KCNB2: variants seen among roughly 807,000 people sequenced by gnomAD.
The protein encoded by KCNB2 is potassium voltage-gated channel subfamily B member 2.
A neutral mutation model predicts 61.5 loss-of-function variants in KCNB2; 15 were observed. That is an observed-to-expected ratio of 0.24 (90% CI 0.16 to 0.38). The LOEUF (loss-of-function observed/expected upper bound fraction) is 0.38. Among genes scored for constraint, KCNB2 ranks in the 10% least tolerant of loss-of-function variants. The pLI is 1.00. For missense variants in KCNB2, 828 were observed against 1,125.2 expected (o/e 0.74, Z 3.78); for synonymous variants, 457 against 446.0 (o/e 1.02, Z -0.31).
intron 2 of KCNB2, among the ~76,000 whole-genome samples, chr8:72,714,767 AC>A (rs1446179686): frequency 4.6e-5 from 7 of 152,170 alleles, no homozygotes; most frequent in Non-Finnish European, 1.0e-4. Context: ...AAGCAAAATA[AC>A]CAGCTAACAT....
chr8:72,637,481 A>G (rs1304238131), intron 2 of KCNB2, among the ~76,000 whole-genome samples: 1 of 152,102 alleles, frequency 6.6e-6, no homozygotes, highest in African/African-American at 2.4e-5. Context: ...GATGATCTCT[A>G]CTAATGAATC....
intron 2 of KCNB2, among the ~76,000 whole-genome samples, chr8:72,725,603 A>G (rs866913678): frequency 0.095 from 10,426 of 109,290 alleles, 956 homozygotes; most frequent in African/African-American, 0.26. Flanking sequence ...ATATATATAT[A>G]TATATATATA....
intron 2 of KCNB2, among the ~76,000 whole-genome samples, chr8:72,609,396 C>CT (rs1805502758): frequency 6.6e-6 from 1 of 152,168 alleles, no homozygotes. Context: ...GTCAACACTT[C>CT]TTTTTCAAGA....
intron 2 of KCNB2, among the ~76,000 whole-genome samples, chr8:72,904,472 C>T (rs1398399100): frequency 3.9e-5 from 6 of 152,048 alleles, no homozygotes; most frequent in Non-Finnish European, 7.4e-5. Context: ...CACATGTTTA[C>T]CTATGTGACA....
intron 2 of KCNB2, among the ~76,000 whole-genome samples, chr8:72,609,892 A>C (rs2128983232): frequency 6.6e-6 from 1 of 152,334 alleles, no homozygotes; most frequent in South Asian, 2.1e-4. Context: ...GTTACGTTGA[A>C]GTCCAGCATT....
intron 2 of KCNB2, among the ~76,000 whole-genome samples, chr8:72,713,395 C>T (rs566480723): frequency 1.3e-5 from 2 of 152,338 alleles, no homozygotes; most frequent in African/African-American, 4.8e-5. Flanking sequence ...AGTACCCTAA[C>T]TGGGAGGCAC....
intron 2 of KCNB2, among the ~76,000 whole-genome samples, chr8:72,769,183 G>A (rs915138574): frequency 1.3e-5 from 2 of 150,958 alleles, no homozygotes; most frequent in Non-Finnish European, 3.0e-5. Context: ...AGAAAAAAAA[G>A]AAAATTAAGT....
chr8:72,602,967 G>T (rs1003966629), intron 2 of KCNB2, among the ~76,000 whole-genome samples: 1 of 149,152 alleles, frequency 6.7e-6, no homozygotes, highest in African/African-American at 2.5e-5. Context: ...AAAAAAAAAG[G>T]CGGCATGCCC....
chr8:72,724,480 AG>A (rs967348427), intron 2 of KCNB2, among the ~76,000 whole-genome samples: 11 of 152,312 alleles, frequency 7.2e-5, no homozygotes, highest in African/African-American at 2.6e-4. Context: ...GGTAAAGTCC[AG>A]ATATTTTAAG....
chr8:72,806,745 T>C (rs1208133007), intron 2 of KCNB2, among the ~76,000 whole-genome samples: 1 of 152,168 alleles, frequency 6.6e-6, no homozygotes, highest in African/African-American at 2.4e-5. Context: ...CTGAACCAGG[T>C]ACAGTGATGG....
At chr8:72,576,975 G>A (rs997896087) in intron 2 of KCNB2, among the ~76,000 whole-genome samples, 2 of 152,106 alleles carry the variant, frequency 1.3e-5, no homozygotes, top group Non-Finnish European at 1.5e-5. Context: ...GTTTTTCCAG[G>A]AGATACTAGG....
At chr8:72,722,827 C>T (rs1029938282) in intron 2 of KCNB2, among the ~76,000 whole-genome samples, 1 of 152,166 alleles carries the variant, frequency 6.6e-6, no homozygotes, top group Admixed American at 6.5e-5. Context: ...TATTGATTAA[C>T]AAATTCAACA....
chr8:72,759,285 C>T (rs939579875), intron 2 of KCNB2, among the ~76,000 whole-genome samples: 8 of 152,056 alleles, frequency 5.3e-5, no homozygotes, highest in South Asian at 2.1e-4. Flanking sequence ...AAATGAAACT[C>T]GCCCTGTGGA....
chr8:72,628,264 T>C (rs1805823135), intron 2 of KCNB2, among the ~76,000 whole-genome samples: 1 of 152,022 alleles, frequency 6.6e-6, no homozygotes. Flanking sequence ...ACTGATGAAG[T>C]TTTTAGCATC....
At chr8:72,788,591 A>G (rs1808881814) in intron 2 of KCNB2, among the ~76,000 whole-genome samples, 1 of 152,222 alleles carries the variant, frequency 6.6e-6, no homozygotes, top group African/African-American at 2.4e-5. Context: ...ACTTATAAAA[A>G]GTAGAGTAGC....
chr8:72,771,173 T>G (rs1319676626), intron 2 of KCNB2, among the ~76,000 whole-genome samples: 1 of 152,190 alleles, frequency 6.6e-6, no homozygotes, highest in Non-Finnish European at 1.5e-5. Context: ...AAGGGATACA[T>G]TAACCAAAAA....
chr8:72,867,339 T>C (rs1805537226), intron 2 of KCNB2, among the ~76,000 whole-genome samples: 1 of 152,230 alleles, frequency 6.6e-6, no homozygotes, highest in Non-Finnish European at 1.5e-5. Context: ...AGTACCGTGT[T>C]GAGCATGTCT....
intron 2 of KCNB2, among the ~76,000 whole-genome samples, chr8:72,814,699 A>G (rs1378075628): frequency 6.6e-6 from 1 of 152,210 alleles, no homozygotes; most frequent in East Asian, 1.9e-4. Context: ...TTTCATTTAG[A>G]TTGATACTAG....
At chr8:72,619,858 A>G (rs1805687893) in intron 2 of KCNB2, among the ~76,000 whole-genome samples, 2 of 152,222 alleles carry the variant, frequency 1.3e-5, no homozygotes, top group Non-Finnish European at 1.5e-5. Flanking sequence ...TAAAGGATTT[A>G]ATTATTCATT....
Sources: gnomAD v4.1 joint callset for allele counts (sites outside exome capture counted in the v4.1 genomes callset) on GRCh38, gnomAD v4.1.1 for gene constraint, MANE v1.5 for transcripts, NCBI Gene and HGNC (gene_info 2026-07-23, HGNC 2026-07-21) for gene names.